ARB2A: variants seen among roughly 807,000 people sequenced by gnomAD.
ARB2A encodes the protein cotranscriptional regulator ARB2A.
At chr5:94,074,964 T>G in the ARB2A span, among the ~76,000 whole-genome samples, 1 of 152,106 alleles carries the variant, frequency 6.6e-6, no homozygotes, top group Non-Finnish European at 1.5e-5. Context: ...GCTAATGGCA[T>G]ACAAGCCACA....
At chr5:93,984,212 A>C in the ARB2A span, among the ~76,000 whole-genome samples, 2 of 152,192 alleles carry the variant, frequency 1.3e-5, no homozygotes, top group Non-Finnish European at 2.9e-5. Flanking sequence ...TAAGTAATAT[A>C]TAACACAGGA....
the ARB2A span, among the ~76,000 whole-genome samples, chr5:94,024,032 G>A: frequency 1.3e-5 from 2 of 152,176 alleles, no homozygotes; most frequent in African/African-American, 4.8e-5. Flanking sequence ...TTCACGTAGA[G>A]CCTGAGAAAG....
At chr5:93,793,899 A>G in the ARB2A span, among the ~76,000 whole-genome samples, 3 of 152,126 alleles carry the variant, frequency 2.0e-5, no homozygotes, top group Non-Finnish European at 2.9e-5. Flanking sequence ...AGTTGTTCCA[A>G]GTTGGGTCTA....
chr5:93,776,076 A>G, the ARB2A span: 1 of 1,145,298 alleles, frequency 8.7e-7, no homozygotes, highest in Middle Eastern at 2.0e-4. Flanking sequence ...AAACTAATTC[A>G]CAAAACAGAA....
At chr5:94,008,563 T>C in the ARB2A span, among the ~76,000 whole-genome samples, 1 of 152,178 alleles carries the variant, frequency 6.6e-6, no homozygotes, top group Non-Finnish European at 1.5e-5. Flanking sequence ...TGTGATGAAT[T>C]ATATTCTAAA....
At chr5:93,921,157 TA>T in the ARB2A span, among the ~76,000 whole-genome samples, 364 of 124,128 alleles carry the variant, frequency 2.9e-3, 1 homozygote, top group South Asian at 0.01. Context: ...AAGACCATGT[TA>T]AAAAAAAAAA....
At chr5:93,878,859 G>A in the ARB2A span, among the ~76,000 whole-genome samples, 1 of 151,954 alleles carries the variant, frequency 6.6e-6, no homozygotes, top group Non-Finnish European at 1.5e-5. Context: ...AAGAGGGGAA[G>A]AATCTACAGT....
At chr5:93,859,065 G>A in the ARB2A span, among the ~76,000 whole-genome samples, 1 of 151,884 alleles carries the variant, frequency 6.6e-6, no homozygotes, top group Non-Finnish European at 1.5e-5. Context: ...ACATTTGAAA[G>A]GAATAGAACA....
the ARB2A span, among the ~76,000 whole-genome samples, chr5:93,686,247 T>C: frequency 1.6e-4 from 25 of 152,098 alleles, 1 homozygote; most frequent in Admixed American, 1.3e-3. Flanking sequence ...GTGAAAGAAG[T>C]CTCAGATATT....
At chr5:94,102,990 A>G in the ARB2A span, among the ~76,000 whole-genome samples, 1 of 152,150 alleles carries the variant, frequency 6.6e-6, no homozygotes, top group Non-Finnish European at 1.5e-5. Flanking sequence ...CTACCACCAG[A>G]CCTGCCTTAT....
the ARB2A span, among the ~76,000 whole-genome samples, chr5:93,842,601 A>G: frequency 6.6e-6 from 1 of 152,182 alleles, no homozygotes; most frequent in Non-Finnish European, 1.5e-5. Flanking sequence ...AGCAGATAGA[A>G]GAGTGGTAAC....
the ARB2A span, among the ~76,000 whole-genome samples, chr5:94,036,692 T>A: frequency 6.6e-6 from 1 of 152,224 alleles, no homozygotes; most frequent in Admixed American, 6.5e-5. Context: ...TCTGTTGTTT[T>A]GGTCTTTCAC....
At chr5:94,037,944 T>C in the ARB2A span, among the ~76,000 whole-genome samples, 97 of 152,266 alleles carry the variant, frequency 6.4e-4, no homozygotes, top group Non-Finnish European at 1.1e-3. Flanking sequence ...GAGAATAAAA[T>C]TGTACTCTTA....
chr5:93,956,557 A>C, the ARB2A span, among the ~76,000 whole-genome samples: 2 of 152,160 alleles, frequency 1.3e-5, no homozygotes, highest in South Asian at 2.1e-4. Flanking sequence ...ATGAAAACCC[A>C]CAGATCATGA....
the ARB2A span, among the ~76,000 whole-genome samples, chr5:93,891,254 T>C: frequency 1.3e-5 from 2 of 152,116 alleles, no homozygotes; most frequent in Non-Finnish European, 2.9e-5. Context: ...AAGTAATCTA[T>C]ACATGGACGT....
At chr5:94,073,269 C>T in the ARB2A span, among the ~76,000 whole-genome samples, 2 of 152,062 alleles carry the variant, frequency 1.3e-5, no homozygotes, top group African/African-American at 4.8e-5. Flanking sequence ...TTCCAGTTTA[C>T]TCCTCCCTTA....
chr5:93,702,262 A>G, the ARB2A span, among the ~76,000 whole-genome samples: 1 of 152,262 alleles, frequency 6.6e-6, no homozygotes, highest in East Asian at 1.9e-4. Flanking sequence ...ATCACCTAGC[A>G]ATGCTCTCAT....
chr5:93,624,704 T>C, the ARB2A span, among the ~76,000 whole-genome samples: 4 of 152,222 alleles, frequency 2.6e-5, no homozygotes, highest in African/African-American at 9.6e-5. Flanking sequence ...GTCAAGATGA[T>C]TGGAAGGTGT....
chr5:93,966,814 A>G, the ARB2A span, among the ~76,000 whole-genome samples: 2 of 152,068 alleles, frequency 1.3e-5, no homozygotes, highest in African/African-American at 4.8e-5. Context: ...ACTGAATATC[A>G]TTGTCTAACA....
Sources: gnomAD v4.1 joint callset for allele counts (sites outside exome capture counted in the v4.1 genomes callset) on GRCh38, gnomAD v4.1.1 for gene constraint, MANE v1.5 for transcripts, NCBI Gene and HGNC (gene_info 2026-07-23, HGNC 2026-07-21) for gene names.